The following NEK11 variants were observed in gnomAD, a reference collection of about 807,000 sequenced individuals.
NEK11 encodes the protein NIMA related kinase 11.
A neutral mutation model predicts 80.7 loss-of-function variants in NEK11; 72 were observed. The observed-to-expected ratio is 0.89, with a 90% CI of 0.74 to 1.08. The LOEUF (loss-of-function observed/expected upper bound fraction) is 1.08. Among genes scored for constraint, NEK11 ranks in the 50% least tolerant of loss-of-function variants. The pLI is 0.00. For missense variants in NEK11, 764 were observed against 763.6 expected (o/e 1.00, Z -0.01); for synonymous variants, 251 against 260.7 (o/e 0.96, Z 0.36).
chr3:131,207,847 T>C (rs1439942275), intron 14 of NEK11, among the ~76,000 whole-genome samples: 2 of 152,226 alleles, frequency 1.3e-5, no homozygotes, highest in Non-Finnish European at 2.9e-5. Context: ...TTAAGTTCTT[T>C]GTAGATTCTG....
At chr3:131,254,791 G>A (rs1466640120) in intron 16 of NEK11, among the ~76,000 whole-genome samples, 3 of 152,060 alleles carry the variant, frequency 2.0e-5, no homozygotes, top group Admixed American at 2.0e-4. Flanking sequence ...AGGCCAAGGT[G>A]GGTGGATCAC....
chr3:131,195,821 A>AT (rs1553929128), intron 14 of NEK11, among the ~76,000 whole-genome samples: 3 of 95,260 alleles, frequency 3.1e-5, no homozygotes, highest in African/African-American at 2.1e-4. Flanking sequence ...TATATATATA[A>AT]AATTGAAGAA....
At chr3:131,274,074 C>A (rs1315799835) in intron 17 of NEK11, among the ~76,000 whole-genome samples, 1 of 150,492 alleles carries the variant, frequency 6.6e-6, no homozygotes, top group Non-Finnish European at 1.5e-5. Context: ...CATCGTCTAG[C>A]ATTAGGTATA....
chr3:131,317,469 G>T (rs1231164369), intron 17 of NEK11, among the ~76,000 whole-genome samples: 1 of 152,018 alleles, frequency 6.6e-6, no homozygotes, highest in African/African-American at 2.4e-5. Flanking sequence ...ATCCTTGGCT[G>T]TAAATAGTGA....
chr3:131,152,271 C>A, intron 7 of NEK11, 117 bp from the exon 8 acceptor site: 1 of 771,870 alleles, frequency 1.3e-6, no homozygotes, highest in Non-Finnish European at 2.0e-6. Context: ...AAGTCAACTA[C>A]TGATTGTATG....
intron 17 of NEK11, among the ~76,000 whole-genome samples, chr3:131,349,003 C>T (rs960500862): frequency 6.6e-6 from 1 of 151,934 alleles, no homozygotes; most frequent in African/African-American, 2.4e-5. Context: ...ATTTTATATC[C>T]CACCATCCTG....
At chr3:131,031,891 C>T (rs2064908078) in intron 3 of NEK11, among the ~76,000 whole-genome samples, 1 of 152,118 alleles carries the variant, frequency 6.6e-6, no homozygotes, top group Non-Finnish European at 1.5e-5. Flanking sequence ...AAACATATTG[C>T]ATACTGGCCA....
In NEK11 at chr3:131,133,720, G is replaced by A. The variant is rs937829932; in HGVS notation, c.521-110G>A. 21 of 723,654 alleles carry A rather than the reference G, an allele frequency of 2.9e-5. No individual in the cohort carries two copies. In the African/African-American group the frequency reaches 3.2e-4, roughly 11 times the overall value. 44.8% of individuals were successfully genotyped at this position (723,654 alleles called of 1,614,324 possible). A position where few individuals can be genotyped will look rare whatever the true frequency, so the allele number is the denominator to read the frequency against. On this transcript the variant is annotated intron_variant, in intron 6 of 17. Transcript: ENST00000383366. ...CTTTTCTTTCCTGTTAAAATGCTAT[G>A]AACCATTGCATAATAAAATGGTCAA...
intron 4 of NEK11, among the ~76,000 whole-genome samples, chr3:131,099,330 G>T (rs2077993432): frequency 6.6e-6 from 1 of 152,228 alleles, no homozygotes; most frequent in East Asian, 1.9e-4. Context: ...TGGTTTATGG[G>T]TCTGTTCTTG....
chr3:131,320,962 T>C (rs2096891520), intron 17 of NEK11, among the ~76,000 whole-genome samples: 1 of 152,036 alleles, frequency 6.6e-6, no homozygotes, highest in Admixed American at 6.6e-5. Flanking sequence ...TGCTATCAAA[T>C]GACCAACAGA....
chr3:131,069,470 T>C (rs1459756506), intron 3 of NEK11, among the ~76,000 whole-genome samples: 3 of 152,124 alleles, frequency 2.0e-5, no homozygotes, highest in African/African-American at 7.2e-5. Context: ...AGCCATCCCA[T>C]TACTGGGTAT....
chr3:131,203,799 A>G lies in NEK11; in HGVS notation c.1400-24729A>G, dbSNP rs1409010817. On this transcript the variant is annotated intron_variant, in intron 14 of 17. Coordinates refer to ENST00000383366, the MANE Select transcript of NEK11 (RefSeq NM_024800.5). The stretch of plus-strand genomic sequence containing the variant: ...TATATATATATATATATATATATAT[A>G]TATATATATATATATATATATATAT... Among the ~76,000 whole-genome samples the G allele has an allele frequency of 4.7e-3, 54 of 11,400 alleles. 1 individual carries two copies. Among genetic ancestry groups the G allele is most frequent in the African/African-American group, 9.1e-3 (36 of 3,954 alleles). The allele number at this position is 11,400 out of a possible 152,430, so 7.5% of individuals were successfully genotyped here.
chr3:131,264,888 A>C (rs1190610029), intron 16 of NEK11, among the ~76,000 whole-genome samples: 3 of 152,022 alleles, frequency 2.0e-5, no homozygotes, highest in Non-Finnish European at 2.9e-5. Context: ...CTTTTATTTC[A>C]TTGAACAGTG....
At chr3:131,275,317 G>C (rs1028916156) in intron 17 of NEK11, among the ~76,000 whole-genome samples, 2 of 152,160 alleles carry the variant, frequency 1.3e-5, no homozygotes, top group Non-Finnish European at 2.9e-5. Flanking sequence ...ACAATGTGGT[G>C]TCAGATTTTT....
chr3:131,259,276 G>A (rs983462172), intron 16 of NEK11, among the ~76,000 whole-genome samples: 2 of 152,242 alleles, frequency 1.3e-5, no homozygotes, highest in South Asian at 2.1e-4. Flanking sequence ...CATTGACACC[G>A]CTGATGCCAC....
At chr3:131,087,094 T>C (rs2076075535) in intron 4 of NEK11, among the ~76,000 whole-genome samples, 1 of 152,172 alleles carries the variant, frequency 6.6e-6, no homozygotes, top group Non-Finnish European at 1.5e-5. Flanking sequence ...GTTATTATAA[T>C]TGTTCGTTAT....
chr3:131,115,036 G>A (rs1024671228), intron 5 of NEK11, among the ~76,000 whole-genome samples: 4 of 152,264 alleles, frequency 2.6e-5, no homozygotes, highest in Admixed American at 1.3e-4. Context: ...GTTTACAGGT[G>A]TGTCTTTGAA....
chr3:131,177,072 T>C (rs569136054), intron 14 of NEK11, among the ~76,000 whole-genome samples: 1 of 152,358 alleles, frequency 6.6e-6, no homozygotes, highest in Non-Finnish European at 1.5e-5. Flanking sequence ...GTGCTCTGCA[T>C]ATACCACGGT....
chr3:131,293,138 G>T (rs2096560635), intron 17 of NEK11, among the ~76,000 whole-genome samples: 1 of 152,118 alleles, frequency 6.6e-6, no homozygotes, highest in Non-Finnish European at 1.5e-5. Context: ...AAAGTGTGGT[G>T]AGAGAGAACA....
Sources: allele counts gnomAD v4.1 joint callset (sites outside exome capture counted in the v4.1 genomes callset), GRCh38; gene constraint gnomAD v4.1.1; transcripts MANE v1.5; gene names NCBI Gene and HGNC (gene_info 2026-07-23, HGNC 2026-07-21).